The following CNBD1 variants were observed in gnomAD, a reference collection of about 807,000 sequenced individuals.
CNBD1 encodes cyclic nucleotide-binding domain-containing protein 1.
In CNBD1, 71 loss-of-function variants were observed where a neutral mutation model predicts 54.4. That is an observed-to-expected ratio of 1.30 (90% CI 1.08 to 1.59). CNBD1 has a LOEUF of 1.59. CNBD1 is among the 40% of genes most tolerant of loss of function. CNBD1 has a pLI of 0.00. For synonymous variants in CNBD1, 182 were observed against 170.7 expected (o/e 1.07, Z -0.51); for missense variants, 659 against 518.0 (o/e 1.27, Z -2.64).
At chr8:87,168,065 G>A (rs763908265) in intron 4 of CNBD1, among the ~76,000 whole-genome samples, 9 of 151,888 alleles carry the variant, frequency 5.9e-5, no homozygotes, top group Non-Finnish European at 1.3e-4. Flanking sequence ...AAACTCATGG[G>A]ATCACTGCTA....
Position 87,274,268 on chromosome 8 carries a change from T to C in CNBD1, c.772-10410T>C, listed in dbSNP as rs773455600. 7.5e-4 allele frequency among the ~76,000 whole-genome samples: 113 copies of C among 150,368 alleles called. 1 individual carries two copies. The highest frequency in any genetic ancestry group is 3.1e-4 in the Non-Finnish European group (21 of 67,744). ...GTCTTTATAGCAGCATGATTTATAGTCCTTTGGGTATATACCCAGTAATGG... is the reference window on the plus strand; with the variant it reads ...GTCTTTATAGCAGCATGATTTATAGCCCTTTGGGTATATACCCAGTAATGG... On this transcript the variant is annotated intron_variant, in intron 6 of 10. Coordinates refer to ENST00000518476, the MANE Select transcript of CNBD1 (RefSeq NM_173538.3).
At chr8:87,142,812 G>A (rs1254494815) in intron 4 of CNBD1, among the ~76,000 whole-genome samples, 1 of 152,150 alleles carries the variant, frequency 6.6e-6, no homozygotes, top group Non-Finnish European at 1.5e-5. Flanking sequence ...AATCTTGGCT[G>A]TTTGGCCAGT....
At chr8:87,216,983 C>G (rs943641951) in intron 5 of CNBD1, among the ~76,000 whole-genome samples, 1 of 152,068 alleles carries the variant, frequency 6.6e-6, no homozygotes, top group Non-Finnish European at 1.5e-5. Flanking sequence ...CATGGTGATG[C>G]TAATTCTCTC....
intron 8 of CNBD1, among the ~76,000 whole-genome samples, chr8:87,330,125 G>A (rs973243069): frequency 5.3e-5 from 8 of 151,278 alleles, no homozygotes; most frequent in Non-Finnish European, 1.2e-4. Flanking sequence ...AAATTTGTGG[G>A]CATAATTAGT....
chr8:87,186,775 T>A (rs1018466436), intron 4 of CNBD1, among the ~76,000 whole-genome samples: 8 of 152,068 alleles, frequency 5.3e-5, no homozygotes, highest in African/African-American at 1.7e-4. Context: ...AGTAATTTTT[T>A]AAAAATGGTT....
At chr8:87,352,478 C>CAAAAAAAAAAAAAAAAAAAAAA (rs386413278) in intron 9 of CNBD1, among the ~76,000 whole-genome samples, 4 of 107,492 alleles carry the variant, frequency 3.7e-5, no homozygotes, top group African/African-American at 1.5e-4. Context: ...GACTCTGTCT[C>CAAAAAAAAAAAAAAAAAAAAAA]AAAAAAAAAA....
chr8:87,347,171 T>C (rs1031938126), intron 8 of CNBD1, among the ~76,000 whole-genome samples: 1 of 152,306 alleles, frequency 6.6e-6, no homozygotes, highest in South Asian at 2.1e-4. Flanking sequence ...TTTATTAATG[T>C]TTTTTGATAA....
chr8:86,878,935 G>A (rs1011356729), intron 1 of CNBD1, among the ~76,000 whole-genome samples: 7 of 152,114 alleles, frequency 4.6e-5, no homozygotes, highest in African/African-American at 1.7e-4. Flanking sequence ...ATGTTATTTA[G>A]TGGGCTGTTT....
chr8:87,282,027 A>G (rs866453518), intron 6 of CNBD1, among the ~76,000 whole-genome samples: 1 of 151,702 alleles, frequency 6.6e-6, no homozygotes, highest in African/African-American at 2.4e-5. Context: ...GAGTCAAATT[A>G]TAGATGTTTA....
intron 4 of CNBD1, among the ~76,000 whole-genome samples, chr8:87,147,627 G>T (rs1283397036): frequency 6.6e-6 from 1 of 152,064 alleles, no homozygotes; most frequent in African/African-American, 2.4e-5. Flanking sequence ...AACTTTGAGA[G>T]CTTCTAAAAC....
At chr8:87,321,346 C>T (rs961411450) in intron 8 of CNBD1, among the ~76,000 whole-genome samples, 1 of 152,134 alleles carries the variant, frequency 6.6e-6, no homozygotes, top group Admixed American at 6.6e-5. Context: ...TTGTAGTTTT[C>T]TGGTTTGTGT....
intron 3 of CNBD1, among the ~76,000 whole-genome samples, chr8:86,921,557 A>G (rs534779026): frequency 3.7e-4 from 57 of 152,302 alleles, no homozygotes; most frequent in Admixed American, 1.3e-4. Flanking sequence ...CCTCATGATC[A>G]TGGTGGAAGA....
At chr8:86,981,345 T>G (rs902098824) in intron 4 of CNBD1, among the ~76,000 whole-genome samples, 1 of 152,202 alleles carries the variant, frequency 6.6e-6, no homozygotes, top group Non-Finnish European at 1.5e-5. Flanking sequence ...AAATTTCTGG[T>G]TTTTCCCTCT....
At chr8:87,416,956 A>G (rs1169848639) in intron 2 of CNBD1, among the ~76,000 whole-genome samples, 1 of 152,186 alleles carries the variant, frequency 6.6e-6, no homozygotes, top group Middle Eastern at 3.4e-3. Flanking sequence ...TGCAGTCTGT[A>G]TCTGAGGTTC....
At chr8:87,367,130 G>A (rs983768926) in intron 10 of CNBD1, among the ~76,000 whole-genome samples, 6 of 151,952 alleles carry the variant, frequency 3.9e-5, no homozygotes, top group African/African-American at 4.8e-5. Flanking sequence ...ATTATATGTG[G>A]CCTACATAGG....
chr8:87,165,366 A>G (rs939257122), intron 4 of CNBD1, among the ~76,000 whole-genome samples: 18 of 151,914 alleles, frequency 1.2e-4, no homozygotes, highest in African/African-American at 4.1e-4. Flanking sequence ...ATAGTCCCCT[A>G]CTGTTATTAT....
At chr8:87,230,242 C>T (rs1379043069) in intron 5 of CNBD1, among the ~76,000 whole-genome samples, 1 of 152,168 alleles carries the variant, frequency 6.6e-6, no homozygotes, top group Non-Finnish European at 1.5e-5. Flanking sequence ...ATGATCCAAT[C>T]ACCTCCCACG....
chr8:87,163,898 A>G lies in CNBD1; in HGVS notation c.432-42095A>G, dbSNP rs1391295789. Among the ~76,000 whole-genome samples the G allele has an allele frequency of 1.3e-5, 2 of 151,792 alleles. No homozygotes were observed. Among genetic ancestry groups the G allele is most frequent in the East Asian group, 3.9e-4 (2 of 5,176 alleles). ...TGATCTTAGAGAAAAAGTTTTCCAC[A>G]TTTTACTGCTGAGTCTAAAGTTAGA... On this transcript the variant is annotated intron_variant, in intron 4 of 10. Coordinates refer to ENST00000518476, the MANE Select transcript of CNBD1 (RefSeq NM_173538.3). This position sits in a 1 kb window ranked among gnomAD's most constrained non-coding sequence, Gnocchi z 4.5.
chr8:87,323,189 G>A (rs1384396714), intron 8 of CNBD1, among the ~76,000 whole-genome samples: 3 of 121,654 alleles, frequency 2.5e-5, no homozygotes, highest in Non-Finnish European at 5.4e-5. Flanking sequence ...CCAGTACCAT[G>A]CTGTTTTGGT....
Sources: allele counts gnomAD v4.1 joint callset (sites outside exome capture counted in the v4.1 genomes callset), GRCh38; gene constraint gnomAD v4.1.1; non-coding constraint Gnocchi (gnomAD v3.1); transcripts MANE v1.5; gene names NCBI Gene and HGNC (gene_info 2026-07-23, HGNC 2026-07-21).